Variants in NCAPD3 observed in about 807,000 individuals in gnomAD.
NCAPD3 encodes the protein condensin-2 complex subunit D3.
In NCAPD3, 105 loss-of-function variants were observed where a neutral mutation model predicts 182.9. That is an observed-to-expected ratio of 0.57 (90% CI 0.49 to 0.68). NCAPD3 has a LOEUF of 0.68. Among genes scored for constraint, NCAPD3 ranks in the 30% least tolerant of loss-of-function variants. The pLI, the probability that NCAPD3 is intolerant of heterozygous loss-of-function variation, is 0.00. For synonymous variants in NCAPD3, 815 were observed against 679.9 expected (o/e 1.20, Z -3.09); for missense variants, 1,944 against 1,837.0 (o/e 1.06, Z -1.07).
At chr11:134,184,506 G>C in intron 19 of NCAPD3, 131 bp downstream of exon 19, 1 of 615,706 alleles carries the variant, frequency 1.6e-6, no homozygotes, top group East Asian at 2.9e-5. Flanking sequence ...GCCTTGTTGC[G>C]GCAATAGCTG....
chr11:134,180,938 TA>T, intron 20 of NCAPD3, 138 bp downstream of exon 20: 1 of 624,290 alleles, frequency 1.6e-6, no homozygotes. Flanking sequence ...AAATATCTTC[TA>T]AAAAGAGAAA....
chr11:134,221,397 A>C (rs1938221612), intron 1 of NCAPD3, among the ~76,000 whole-genome samples: 1 of 151,230 alleles, frequency 6.6e-6, no homozygotes, highest in Non-Finnish European at 1.5e-5. Context: ...TTTTTAACTT[A>C]AAGTTTTTGG....
Position 134,169,000 on chromosome 11 carries a change from G to A in NCAPD3, c.3156C>T (p.Phe1052=), listed in dbSNP as rs148803432. The A allele has an allele frequency of 6.3e-5, 101 of 1,614,006 alleles. 2 individuals carry two copies. In the African/African-American group the frequency reaches 9.5e-4, roughly 15 times the overall value. ...AAATACATTCAATGAAGTGTTGGAA[G>A]AACATGACAGGGTTCCTCTTCAGTA... is the stretch of plus-strand genomic sequence containing the variant. ...HLLLKRNPVM[F]FQHFIECIFH... Residue 1052 remains phenylalanine (F), a synonymous_variant, in exon 25 of 35, where the codon TTC becomes TTT. Coordinates refer to ENST00000534548, the MANE Select transcript of NCAPD3 (RefSeq NM_015261.3).
At chr11:134,180,174 AG>A (rs1438084122) in intron 20 of NCAPD3, among the ~76,000 whole-genome samples, 2 of 152,172 alleles carry the variant, frequency 1.3e-5, no homozygotes, top group Non-Finnish European at 2.9e-5. Context: ...TAAAGCACCC[AG>A]GTTCCCATAG....
chr11:134,195,737 T>C lies in NCAPD3; in HGVS notation c.1616-999A>G, dbSNP rs144670939. Among the ~76,000 whole-genome samples the C allele has an allele frequency of 7.3e-3, 1,108 of 152,168 alleles. 9 individuals carry two copies. The highest frequency in any genetic ancestry group is 0.025 in the African/African-American group (1,044 of 41,524). ...TTTTAAAAAAAAAGAATGGCATTGT[T>C]TTAGAGTTTTGCAAACTTTAAAATG... On this transcript the variant is annotated intron_variant, in intron 13 of 34. Transcript: ENST00000534548.
At chr11:134,184,597 C>G (rs999339701) in intron 19 of NCAPD3, 40 bp downstream of exon 19, 17 of 1,419,404 alleles carry the variant, frequency 1.2e-5, no homozygotes, top group Non-Finnish European at 1.5e-5. Flanking sequence ...ATCCTAAGCT[C>G]AAAGAAGTCA....
At position 134,160,045 on chromosome 11, in the gene NCAPD3, G is replaced by T. The variant is rs372376150; in HGVS notation, c.3714C>A (p.Leu1238=). The part of the protein sequence containing the change: ...REVMQDYRDE[L]KDFFAVDKQL... ...GTTTGTCAACTGCAAAGAAGTCCTT[G>T]AGCTCATCTCGGTAATCCTGCATCA... Residue 1238 remains leucine, a synonymous_variant, in exon 29 of 35, where the codon CTC becomes CTA. Transcript: ENST00000534548. 2 of 1,614,096 alleles carry T rather than the reference G, an allele frequency of 1.2e-6. No homozygotes were observed. The highest frequency in any genetic ancestry group is 4.5e-5 in the East Asian group (2 of 44,878).
intron 4 of NCAPD3, chr11:134,209,799 C>G (rs974724398): frequency 3.9e-6 from 1 of 257,694 alleles, no homozygotes; most frequent in Non-Finnish European, 7.4e-6. Context: ...GTGGCTCATG[C>G]CTGTAACCCC....
intron 24 of NCAPD3, among the ~76,000 whole-genome samples, chr11:134,170,839 A>C (rs1943989612): frequency 6.6e-6 from 1 of 152,238 alleles, no homozygotes; most frequent in Non-Finnish European, 1.5e-5. Context: ...AGAAACTGGA[A>C]GCCACAGCCA....
chr11:134,187,854 C>T (rs1944442151), intron 16 of NCAPD3, among the ~76,000 whole-genome samples: 1 of 152,186 alleles, frequency 6.6e-6, no homozygotes, highest in African/African-American at 2.4e-5. Context: ...TAGAACCAGT[C>T]CTGGAAAATG....
At chr11:134,157,385 G>A (rs892671442) in intron 31 of NCAPD3, among the ~76,000 whole-genome samples, 6 of 152,128 alleles carry the variant, frequency 3.9e-5, no homozygotes, top group African/African-American at 1.4e-4. Flanking sequence ...TTGACTGCTG[G>A]GAATTAATCC....
chr11:134,181,733 C>T (rs1220398403), intron 19 of NCAPD3, among the ~76,000 whole-genome samples: 1 of 152,162 alleles, frequency 6.6e-6, no homozygotes, highest in African/African-American at 2.4e-5. Flanking sequence ...AGAGAGCTCC[C>T]AACCACATTC....
At position 134,177,266 on chromosome 11, in the gene NCAPD3, G is replaced by A; in HGVS notation, c.2974C>T (p.Pro992Ser). The change falls in exon 23 of 35, where the codon CCA (proline) becomes TCA (serine). Residue 992 changes from proline to serine, a missense_variant. Transcript: ENST00000534548. ...ATGAGTGTCTGCTTCCGGATGAATG[G>A]GTCGGAATCCTTCAGACACATGGAG... ...NISMCLKDSD[P>S]FIRKQTLILL... The A allele has an allele frequency of 6.2e-7, 1 of 1,614,172 alleles. No homozygotes were observed. The highest frequency in any genetic ancestry group is 8.5e-7 in the Non-Finnish European group (1 of 1,180,018).
In NCAPD3 at chr11:134,153,161, C is replaced by T. The variant is rs751422964; in HGVS notation, c.4367G>A (p.Cys1456Tyr). 3.1e-6 allele frequency: 5 copies of T among 1,614,016 alleles called. No individual in the cohort carries two copies. The highest frequency in any genetic ancestry group is 1.3e-5 in the African/African-American group (1 of 74,914). ...TTACGGTTTATCAGGCAGTGATAAA[C>T]ATAAGATGTCATTTCCTTGACTCCG... is the stretch of plus-strand genomic sequence containing the variant. ...EGRSQGNDIL[C>Y]LSLPDKPPPQ... Residue 1456 changes from cysteine to tyrosine, a missense_variant, in exon 34 of 35, where the codon TGT becomes TAT. Cys to Tyr is a radical substitution (Grantham distance 194). This residue lies in a region of NCAPD3 where 1,803 missense variants were observed against 1,674.6 expected (regional missense o/e 1.08). Coordinates refer to ENST00000534548, the MANE Select transcript of NCAPD3 (RefSeq NM_015261.3).
chr11:134,170,682 T>G (rs1943985572), intron 24 of NCAPD3, among the ~76,000 whole-genome samples: 1 of 152,210 alleles, frequency 6.6e-6, no homozygotes, highest in Non-Finnish European at 1.5e-5. Flanking sequence ...TGGGTGGAGG[T>G]GACCAACAGA....
intron 15 of NCAPD3, among the ~76,000 whole-genome samples, chr11:134,193,389 A>C (rs1944562491): frequency 6.6e-6 from 1 of 152,224 alleles, no homozygotes; most frequent in Non-Finnish European, 1.5e-5. Context: ...GCCCTAATTG[A>C]CTAAATTTAA....
rs1031594264 is a variant in NCAPD3 at position 134,206,473 on chromosome 11, G to A, written c.1016+126C>T. ...AAGCACATTAGCTACGAAGTGCTTGGTTTTCACCCCCAAAACCACCATCAG... is the reference window on the plus strand; with the variant it reads ...AAGCACATTAGCTACGAAGTGCTTGATTTTCACCCCCAAAACCACCATCAG... On this transcript the variant is annotated intron_variant, in intron 8 of 34. Coordinates refer to ENST00000534548, the MANE Select transcript of NCAPD3 (RefSeq NM_015261.3). 1.2e-5 allele frequency: 15 copies of A among 1,296,434 alleles called. No homozygotes were observed. The African/African-American group carries it at 2.1e-4, about 18-fold the overall frequency. 80.3% of individuals were successfully genotyped at this position (1,296,434 alleles called of 1,614,324 possible). A position where few individuals can be genotyped will look rare whatever the true frequency, so the allele number is the denominator to read the frequency against.
chr11:134,171,449 T>G (rs1944004276), intron 24 of NCAPD3, among the ~76,000 whole-genome samples: 1 of 152,210 alleles, frequency 6.6e-6, no homozygotes, highest in Admixed American at 6.5e-5. Context: ...GATTTCTTCA[T>G]GAGCTGAATG....
chr11:134,219,863 C>T (rs1938162812), intron 2 of NCAPD3, among the ~76,000 whole-genome samples: 1 of 152,072 alleles, frequency 6.6e-6, no homozygotes, highest in South Asian at 2.1e-4. Flanking sequence ...GTGGCGTGAT[C>T]TCGGCTCACT....
Sources: allele counts gnomAD v4.1 joint callset (sites outside exome capture counted in the v4.1 genomes callset), GRCh38; gene constraint gnomAD v4.1.1; regional missense constraint gnomAD v4.1.1; transcripts MANE v1.5; gene names NCBI Gene and HGNC (gene_info 2026-07-23, HGNC 2026-07-21).